MYO16: variants seen among roughly 807,000 people sequenced by gnomAD.
The protein encoded by MYO16 is unconventional myosin-XVI.
Under a neutral mutation model 205.3 loss-of-function variants are expected in MYO16, and 94 were observed. That is an observed-to-expected ratio of 0.46 (90% confidence interval 0.39 to 0.54). MYO16 has a LOEUF of 0.54. Among genes scored for constraint, MYO16 ranks in the 20% least tolerant of loss-of-function variants. The pLI is 0.00. For synonymous variants in MYO16, 988 were observed against 954.0 expected (o/e 1.04, Z -0.66); for missense variants, 2,315 against 2,387.5 (o/e 0.97, Z 0.63).
the MYO16 span, among the ~76,000 whole-genome samples, chr13:108,519,596 T>C: frequency 2.7e-5 from 4 of 149,694 alleles, no homozygotes; most frequent in South Asian, 8.4e-4. Flanking sequence ...AACACAAGAT[T>C]TGCTTGGCCA....
chr13:108,761,748 T>C (rs542067946), intron 4 of MYO16, among the ~76,000 whole-genome samples: 1 of 152,336 alleles, frequency 6.6e-6, no homozygotes, highest in Admixed American at 6.5e-5. Flanking sequence ...AAAGGTCTGT[T>C]TGTCCCCACC....
chr13:108,793,432 G>A, intron 5 of MYO16, 84 bp from the exon 6 acceptor site: 1 of 1,336,032 alleles, frequency 7.5e-7, no homozygotes, highest in Non-Finnish European at 1.0e-6. Flanking sequence ...CACATTGAAA[G>A]AATAGGTTAT....
intron 22 of MYO16, among the ~76,000 whole-genome samples, chr13:109,017,250 C>T (rs569367282): frequency 6.6e-6 from 1 of 152,148 alleles, no homozygotes; most frequent in Admixed American, 6.5e-5. Flanking sequence ...ATGTGAAATT[C>T]TGGGTTGAAA....
At chr13:109,190,685 G>A (rs1056920650) in intron 34 of MYO16, among the ~76,000 whole-genome samples, 2 of 152,098 alleles carry the variant, frequency 1.3e-5, no homozygotes, top group African/African-American at 4.8e-5. Context: ...ACTGGTTGGA[G>A]GAAATTAAAG....
chr13:108,797,804 ACTG>A (rs931152089), intron 6 of MYO16, among the ~76,000 whole-genome samples: 33 of 152,372 alleles, frequency 2.2e-4, no homozygotes, highest in African/African-American at 7.5e-4. Context: ...TTAAAAAAAT[ACTG>A]CTAAGTAAAA....
chr13:109,013,919 C>A (rs1158783923), intron 22 of MYO16, among the ~76,000 whole-genome samples: 1 of 152,198 alleles, frequency 6.6e-6, no homozygotes, highest in Non-Finnish European at 1.5e-5. Context: ...TCTAGGTTAT[C>A]TGTTCACTCT....
At chr13:109,173,939 T>A (rs1879039611) in intron 33 of MYO16, among the ~76,000 whole-genome samples, 1 of 102,516 alleles carries the variant, frequency 9.8e-6, no homozygotes, top group Non-Finnish European at 1.9e-5. Context: ...GGGTTGTCCT[T>A]GTTTTGATGG....
At chr13:108,593,368 T>C (rs1418698710), upstream of MYO16, among the ~76,000 whole-genome samples, 1 of 152,094 alleles carries the variant, frequency 6.6e-6, no homozygotes, top group African/African-American at 2.4e-5. Context: ...AACAGAGGTT[T>C]CTGGCAACGG....
chr13:108,828,492 G>T (rs1166044225), intron 9 of MYO16, among the ~76,000 whole-genome samples: 2 of 152,066 alleles, frequency 1.3e-5, no homozygotes, highest in Non-Finnish European at 2.9e-5. Flanking sequence ...GAATCTGGCT[G>T]ATTTTTATCC....
chr13:108,734,368 G>T lies in MYO16; in HGVS notation c.507+6785G>T, dbSNP rs370151782. Among the ~76,000 whole-genome samples, 74 of 152,204 alleles carry T rather than the reference G, an allele frequency of 4.9e-4. No individual in the cohort carries two copies. In the South Asian group the frequency reaches 0.015, roughly 30 times the overall value. On this transcript the variant is annotated intron_variant, in intron 4 of 34. Coordinates refer to ENST00000457511, the MANE Select transcript of MYO16 (RefSeq NM_001198950.3). ...CCATCCCTTCTTCTCTAGAAAAATT[G>T]ATATCGCTTCCTCACAATTTCAGCA...
At chr13:109,065,773 G>A (rs1477807437) in intron 27 of MYO16, among the ~76,000 whole-genome samples, 1 of 152,228 alleles carries the variant, frequency 6.6e-6, no homozygotes, top group East Asian at 1.9e-4. Flanking sequence ...AACAAACATC[G>A]GAGTCTTAAC....
At chr13:108,915,578 A>G (rs975459833) in intron 16 of MYO16, among the ~76,000 whole-genome samples, 1 of 152,144 alleles carries the variant, frequency 6.6e-6, no homozygotes, top group Non-Finnish European at 1.5e-5. Context: ...TTGGGGAACG[A>G]ATGTAATTTC....
chr13:108,501,209 C>G, the MYO16 span, among the ~76,000 whole-genome samples: 2 of 152,146 alleles, frequency 1.3e-5, no homozygotes, highest in African/African-American at 2.4e-5. Flanking sequence ...TTACTCATCT[C>G]TGTGTGTCTG....
At chr13:109,047,100 TGAAATGCCTTTTGCATTCTAATGCCCAG>T in intron 24 of MYO16, 109 bp downstream of exon 24, 1 of 811,814 alleles carries the variant, frequency 1.2e-6, no homozygotes, top group Admixed American at 2.5e-5. Context: ...AAAGCATAAT[TGAAATGCCTTTTGCATTCTAATGCCCAG>T]ACTAATGAGA....
At chr13:108,626,318 G>T (rs1163512639), upstream of MYO16, among the ~76,000 whole-genome samples, 1 of 152,124 alleles carries the variant, frequency 6.6e-6, no homozygotes, top group Non-Finnish European at 1.5e-5. Context: ...TAATAATACT[G>T]AAAAATAATA....
At chr13:108,944,851 G>C (rs1882873300) in intron 16 of MYO16, among the ~76,000 whole-genome samples, 1 of 152,102 alleles carries the variant, frequency 6.6e-6, no homozygotes, top group African/African-American at 2.4e-5. Flanking sequence ...GACAACTGTA[G>C]AGTTATTTTC....
intron 2 of MYO16, among the ~76,000 whole-genome samples, chr13:108,672,251 T>C (rs1331241568): frequency 6.6e-6 from 1 of 152,222 alleles, no homozygotes; most frequent in Non-Finnish European, 1.5e-5. Flanking sequence ...ATAGTGGTGA[T>C]ATTTTTATTT....
At chr13:108,522,142 C>A in the MYO16 span, among the ~76,000 whole-genome samples, 1 of 152,212 alleles carries the variant, frequency 6.6e-6, no homozygotes, top group Non-Finnish European at 1.5e-5. Flanking sequence ...TTGTTCATGT[C>A]TTGGAAAGGA....
chr13:108,918,117 A>G (rs1881579936), intron 16 of MYO16, among the ~76,000 whole-genome samples: 1 of 152,258 alleles, frequency 6.6e-6, no homozygotes, highest in South Asian at 2.1e-4. Context: ...GATAAATTTA[A>G]CTGCCTCTGC....
Sources: gnomAD v4.1 joint callset for allele counts (sites outside exome capture counted in the v4.1 genomes callset) on GRCh38, gnomAD v4.1.1 for gene constraint, MANE v1.5 for transcripts, NCBI Gene and HGNC (gene_info 2026-07-23, HGNC 2026-07-21) for gene names.